Variants in AGBL1 observed in about 807,000 individuals in gnomAD.
AGBL1 encodes the protein cytosolic carboxypeptidase 4.
A neutral mutation model predicts 118.9 loss-of-function variants in AGBL1; 130 were observed. The ratio of observed to expected loss-of-function variants is 1.09; its 90% CI spans 0.95 to 1.26. The LOEUF is 1.26. Among genes scored for constraint, AGBL1 ranks in the 50% most tolerant of loss-of-function variants. The pLI is 0.00. For synonymous variants in AGBL1, 555 were observed against 478.9 expected (o/e 1.16, Z -2.08); for missense variants, 1,584 against 1,298.1 (o/e 1.22, Z -3.38).
chr15:86,437,683 C>T (rs966417648), intron 18 of AGBL1, among the ~76,000 whole-genome samples: 2 of 152,160 alleles, frequency 1.3e-5, no homozygotes, highest in African/African-American at 2.4e-5. Flanking sequence ...GTGAGCACTT[C>T]AGGATGGAGG....
intron 17 of AGBL1, among the ~76,000 whole-genome samples, chr15:86,372,755 T>G (rs945373652): frequency 4.6e-5 from 7 of 151,908 alleles, no homozygotes; most frequent in African/African-American, 1.7e-4. Flanking sequence ...CCTGGCTGGC[T>G]AGATTCCAGA....
intron 6 of AGBL1, among the ~76,000 whole-genome samples, chr15:86,233,353 A>C (rs537863293): frequency 4.6e-5 from 7 of 152,010 alleles, no homozygotes; most frequent in South Asian, 4.2e-4. Flanking sequence ...CCAGGCGAGG[A>C]GATTAGAAAT....
intron 22 of AGBL1, among the ~76,000 whole-genome samples, chr15:86,696,333 T>G (rs2086258538): frequency 6.6e-6 from 1 of 152,052 alleles, no homozygotes; most frequent in South Asian, 2.1e-4. Context: ...CATTATATAA[T>G]GTTTCTCTTT....
chr15:86,934,536 A>AG (rs1050525433), intron 23 of AGBL1, among the ~76,000 whole-genome samples: 2 of 150,426 alleles, frequency 1.3e-5, no homozygotes, highest in African/African-American at 4.9e-5. Flanking sequence ...ATATAGGTTA[A>AG]AAAAAAAAAG....
intron 18 of AGBL1, among the ~76,000 whole-genome samples, chr15:86,438,772 C>T (rs565089552): frequency 1.3e-5 from 2 of 151,914 alleles, no homozygotes; most frequent in African/African-American, 2.4e-5. Flanking sequence ...AACAATTCTC[C>T]TGCTTCAGCC....
intron 5 of AGBL1, among the ~76,000 whole-genome samples, chr15:86,167,012 C>T (rs186369417): frequency 6.6e-6 from 1 of 152,148 alleles, no homozygotes; most frequent in African/African-American, 2.4e-5. Context: ...GCTCTAGGAA[C>T]TTTCACTTGC....
chr15:86,446,284 G>A (rs975550728), intron 18 of AGBL1, among the ~76,000 whole-genome samples: 1 of 152,174 alleles, frequency 6.6e-6, no homozygotes, highest in Non-Finnish European at 1.5e-5. Context: ...GCCAGCAGGT[G>A]AGGAATGGGA....
At chr15:87,007,332 A>G (rs2081515232) in intron 24 of AGBL1, among the ~76,000 whole-genome samples, 1 of 152,224 alleles carries the variant, frequency 6.6e-6, no homozygotes, top group Non-Finnish European at 1.5e-5. Flanking sequence ...TATTAGATAC[A>G]GCAGCAAAAT....
At chr15:86,920,075 GAACCTC>G (rs1051729763), downstream of AGBL1, among the ~76,000 whole-genome samples, 3 of 152,176 alleles carry the variant, frequency 2.0e-5, no homozygotes, top group African/African-American at 7.2e-5. Flanking sequence ...GAAGCACAGG[GAACCTC>G]CGTGGGTTCT....
intron 22 of AGBL1, among the ~76,000 whole-genome samples, chr15:86,871,691 A>G (rs1445692525): frequency 6.6e-6 from 1 of 152,046 alleles, no homozygotes; most frequent in Non-Finnish European, 1.5e-5. Flanking sequence ...CTGGTATTGC[A>G]TACACCGGGA....
intron 24 of AGBL1, among the ~76,000 whole-genome samples, chr15:87,011,409 G>T (rs1219662895): frequency 6.6e-6 from 1 of 152,142 alleles, no homozygotes. Flanking sequence ...GAACATAAAT[G>T]GGGGAAAAGG....
intron 21 of AGBL1, among the ~76,000 whole-genome samples, chr15:86,653,520 A>G (rs1010471428): frequency 6.6e-6 from 1 of 152,214 alleles, no homozygotes; most frequent in African/African-American, 2.4e-5. Flanking sequence ...CGCACAATCT[A>G]TAGCTGCTTG....
intron 18 of AGBL1, among the ~76,000 whole-genome samples, chr15:86,426,918 A>G (rs943624912): frequency 1.3e-5 from 2 of 152,108 alleles, no homozygotes; most frequent in Non-Finnish European, 1.5e-5. Flanking sequence ...AGTGCACACC[A>G]CCACTCCCAG....
At chr15:87,001,576 A>G (rs952041539) in intron 24 of AGBL1, among the ~76,000 whole-genome samples, 9 of 152,034 alleles carry the variant, frequency 5.9e-5, no homozygotes, top group Admixed American at 5.9e-4. Context: ...CAATGGTTGA[A>G]CTAGTTTACA....
rs766973494 is a variant in AGBL1, at chr15:86,271,675, A to G, written c.2044A>G (p.Ile682Val). Residue 682 changes from isoleucine to valine, a missense_variant, in exon 15 of 23, where the codon ATA becomes GTA. By Grantham distance (29) the Ile-to-Val change is conservative. Coordinates refer to ENST00000614907, the MANE Select transcript of AGBL1 (RefSeq NM_001386094.1). ...KEALLGKPTW[I>V]RTGHEICYYK... ...GGCTCTTCTTGGCAAACCCACCTGG[A>G]TAAGGACAGGCCATGAAATATGTTA... 2 of 1,613,454 alleles carry G rather than the reference A, an allele frequency of 1.2e-6. No individual in the cohort carries two copies. Among genetic ancestry groups the G allele is most frequent in the Non-Finnish European group, 1.7e-6 (2 of 1,179,430 alleles).
chr15:86,694,704 C>G (rs1462066560), intron 22 of AGBL1, among the ~76,000 whole-genome samples: 2 of 151,998 alleles, frequency 1.3e-5, no homozygotes, highest in Non-Finnish European at 2.9e-5. Flanking sequence ...CAACTTTTCC[C>G]CATTCAGTAT....
chr15:86,381,400 G>A (rs2081111617), intron 17 of AGBL1, among the ~76,000 whole-genome samples: 1 of 150,072 alleles, frequency 6.7e-6, no homozygotes, highest in Non-Finnish European at 1.5e-5. Flanking sequence ...TCATGTTTTG[G>A]AGCTGATACA....
chr15:86,734,979 T>C (rs2077572105), intron 22 of AGBL1, among the ~76,000 whole-genome samples: 1 of 151,686 alleles, frequency 6.6e-6, no homozygotes, highest in African/African-American at 2.4e-5. Context: ...TGTGTTTCCA[T>C]CCAGTTTTCT....
At chr15:86,820,784 G>A (rs957569477) in intron 22 of AGBL1, among the ~76,000 whole-genome samples, 2 of 152,094 alleles carry the variant, frequency 1.3e-5, no homozygotes, top group African/African-American at 4.8e-5. Flanking sequence ...ATTCCTCAAG[G>A]ATCTAGAATC....
Sources: allele counts gnomAD v4.1 joint callset (sites outside exome capture counted in the v4.1 genomes callset), GRCh38; gene constraint gnomAD v4.1.1; transcripts MANE v1.5; gene names NCBI Gene and HGNC (gene_info 2026-07-23, HGNC 2026-07-21).